Variants in DERA observed in about 807,000 individuals in gnomAD.
DERA encodes deoxyribose-phosphate aldolase.
Under a neutral mutation model 41.1 loss-of-function variants are expected in DERA, and 15 were observed. The observed-to-expected ratio is 0.37, with a 90% CI of 0.24 to 0.56. The LOEUF (loss-of-function observed/expected upper bound fraction) is 0.56. Ranked by LOEUF, DERA falls within the 20% of genes least tolerant of loss-of-function variation. DERA has a pLI of 0.81. For missense variants in DERA, 396 were observed against 403.4 expected, an observed-to-expected ratio of 0.98 and a Z score of 0.16; for synonymous variants, 139 against 137.4, an observed-to-expected ratio of 1.01 and a Z score of -0.08.
chr12:15,986,595 A>C (rs973745977), intron 6 of DERA, among the ~76,000 whole-genome samples: 2 of 152,174 alleles, frequency 1.3e-5, no homozygotes, highest in Admixed American at 1.3e-4. Flanking sequence ...AGAACCTTAC[A>C]ACAGTTTAAT....
rs1225322594 is a variant in DERA, at chr12:15,976,357, C to G, written c.509-5951C>G. ...CCCAACCCCTAGAATTTTCAGTCCT[C>G]GCTGGTAAGGGTGACCTTCACTTTC... On this transcript the variant is annotated intron_variant, in intron 5 of 8. Coordinates refer to ENST00000428559, the MANE Select transcript of DERA (RefSeq NM_015954.4). The surrounding 1 kb of genome is among the most constrained non-coding windows in gnomAD (Gnocchi z 4.1). 6.6e-6 allele frequency among the ~76,000 whole-genome samples: 1 copy of G among 152,148 alleles called. No individual in the cohort carries two copies. The highest frequency in any genetic ancestry group is 2.4e-5 in the African/African-American group (1 of 41,440).
chr12:15,997,571 C>T (rs922728864), intron 6 of DERA, among the ~76,000 whole-genome samples: 21 of 152,010 alleles, frequency 1.4e-4, no homozygotes, highest in Non-Finnish European at 7.4e-5. Flanking sequence ...ATGACTTTAA[C>T]GGAATCGTAT....
In DERA at chr12:15,967,593, T is replaced by C. The variant is rs952784261; in HGVS notation, c.508+4646T>C. ...TGCTTTCAGGGGCCAGTGGAATCTC[T>C]GAGATGATTGGCCTCATAGCTCACA... On this transcript the variant is annotated intron_variant, in intron 5 of 8. Transcript: ENST00000428559. The surrounding 1 kb of genome is among the most constrained non-coding windows in gnomAD (Gnocchi z 4.9). Among the ~76,000 whole-genome samples the C allele has an allele frequency of 6.6e-6, 1 of 152,210 alleles. No individual in the cohort carries two copies. The highest frequency in any genetic ancestry group is 2.1e-4 in the South Asian group (1 of 4,830).
At position 15,913,487 on chromosome 12, in the gene DERA, A is replaced by G. The variant is rs1324413670; in HGVS notation, c.31+2073A>G. Among the ~76,000 whole-genome samples the G allele has an allele frequency of 6.6e-6, 1 of 152,204 alleles. No individual in the cohort carries two copies. Among genetic ancestry groups the G allele is most frequent in the African/African-American group, 2.4e-5 (1 of 41,454 alleles). On this transcript the variant is annotated intron_variant, in intron 1 of 8. Transcript: ENST00000428559. The surrounding 1 kb of genome is among the most constrained non-coding windows in gnomAD (Gnocchi z 4.5). ...TTCTAATTGAAAGTCTTTTTAATAAACATCGTAACTAATTTCTAAAATAAA... is the reference window on the plus strand; with the variant it reads ...TTCTAATTGAAAGTCTTTTTAATAAGCATCGTAACTAATTTCTAAAATAAA...
rs73059226 is a variant in DERA, at chr12:16,021,428, A to G, written c.638-11114A>G. 7.2e-3 allele frequency among the ~76,000 whole-genome samples: 1,101 copies of G among 152,332 alleles called. 7 individuals are homozygous for G. Among genetic ancestry groups the G allele is most frequent in the Non-Finnish European group, 0.011 (756 of 68,018 alleles). The stretch of plus-strand genomic sequence containing the variant: ...AGGGGGTCTGGCAGCTTCCATGTAG[A>G]TTTCAGAGGATGTGTCAGAAAGACT... On this transcript the variant is annotated intron_variant, in intron 6 of 8. Transcript: ENST00000428559. The surrounding 1 kb of genome is among the most constrained non-coding windows in gnomAD (Gnocchi z 5.3).
chr12:15,980,222 A>G (rs1431244914), intron 5 of DERA, among the ~76,000 whole-genome samples: 1 of 152,244 alleles, frequency 6.6e-6, no homozygotes, highest in African/African-American at 2.4e-5. Flanking sequence ...AACCCTGTAA[A>G]GTAAATATTA....
In DERA at chr12:15,995,417, G is replaced by T. The variant is rs1948830317; in HGVS notation, c.637+12981G>T. 6.6e-6 allele frequency among the ~76,000 whole-genome samples: 1 copy of T among 152,086 alleles called. No individual in the cohort carries two copies. Among genetic ancestry groups the T allele is most frequent in the Non-Finnish European group, 1.5e-5 (1 of 67,992 alleles). On this transcript the variant is annotated intron_variant, in intron 6 of 8. Transcript: ENST00000428559. This position sits in a 1 kb window ranked among gnomAD's most constrained non-coding sequence, Gnocchi z 5.1. ...GAGCTAAAAGATCTCTTCTCAGGCTGCTTCCACTGTTATTTGTGTTTAGCT... is the reference window on the plus strand; with the variant it reads ...GAGCTAAAAGATCTCTTCTCAGGCTTCTTCCACTGTTATTTGTGTTTAGCT...
Position 15,990,392 on chromosome 12 carries a change from A to G in DERA, c.637+7956A>G, listed in dbSNP as rs1341177655. On this transcript the variant is annotated intron_variant, in intron 6 of 8. Transcript: ENST00000428559. The surrounding 1 kb of genome is among the most constrained non-coding windows in gnomAD (Gnocchi z 4.3). ...ATCACAATTAGATGTGGTCTAGTTA[A>G]TGATATGTTTGTGGTACGCTACTTT... 6.6e-6 allele frequency among the ~76,000 whole-genome samples: 1 copy of G among 152,214 alleles called. No homozygotes were observed. The highest frequency in any genetic ancestry group is 1.5e-5 in the Non-Finnish European group (1 of 68,028).
intron 1 of DERA, among the ~76,000 whole-genome samples, chr12:15,925,798 T>G (rs1428841263): frequency 1.3e-5 from 2 of 149,210 alleles, no homozygotes; most frequent in Non-Finnish European, 3.0e-5. Flanking sequence ...TTTCATGCAG[T>G]GAGGCCCTCA....
intron 1 of DERA, among the ~76,000 whole-genome samples, chr12:15,912,597 G>A (rs530492836): frequency 2.0e-5 from 3 of 152,120 alleles, no homozygotes; most frequent in African/African-American, 7.2e-5. Flanking sequence ...TTATAAGGCC[G>A]TTAGGAGATT....
intron 6 of DERA, among the ~76,000 whole-genome samples, chr12:16,024,373 C>A (rs1373197971): frequency 6.6e-6 from 1 of 151,934 alleles, no homozygotes; most frequent in Non-Finnish European, 1.5e-5. Context: ...TGAAGAAAAC[C>A]AAAGACAAAT....
rs1053437313 is a variant in DERA, at chr12:16,003,322, C to T, written c.637+20886C>T. On this transcript the variant is annotated intron_variant, in intron 6 of 8. Coordinates refer to ENST00000428559, the MANE Select transcript of DERA (RefSeq NM_015954.4). This position sits in a 1 kb window ranked among gnomAD's most constrained non-coding sequence, Gnocchi z 4.8. ...GTACTCCATTGCGACCTCATATTGA[C>T]TAATTATATCTGCAAGCACCCAGGT... 1.3e-5 allele frequency among the ~76,000 whole-genome samples: 2 copies of T among 152,162 alleles called. No homozygotes were observed. Among genetic ancestry groups the T allele is most frequent in the African/African-American group, 2.4e-5 (1 of 41,430 alleles).
chr12:15,944,648 G>C (rs1324387386), intron 1 of DERA, among the ~76,000 whole-genome samples: 1 of 152,214 alleles, frequency 6.6e-6, no homozygotes, highest in African/African-American at 2.4e-5. Flanking sequence ...CAAATGGATA[G>C]ATGGCAAAAA....
At position 15,957,576 on chromosome 12, in the gene DERA, T is replaced by C. The variant is rs574798049; in HGVS notation, c.129+543T>C. The stretch of plus-strand genomic sequence containing the variant: ...CGTGCTGTGTAGGATTAAAGGGAAT[T>C]CAGAGTTCATTTCACAAGTGAGACA... On this transcript the variant is annotated intron_variant, in intron 2 of 8. Transcript: ENST00000428559. The surrounding 1 kb of genome is among the most constrained non-coding windows in gnomAD (Gnocchi z 4.8). Among the ~76,000 whole-genome samples the C allele has an allele frequency of 2.0e-5, 3 of 152,230 alleles. No individual in the cohort carries two copies. The highest frequency in any genetic ancestry group is 2.0e-4 in the Admixed American group (3 of 15,290).
intron 5 of DERA, among the ~76,000 whole-genome samples, chr12:15,979,692 T>C (rs1206090080): frequency 2.0e-5 from 3 of 152,226 alleles, no homozygotes; most frequent in African/African-American, 4.8e-5. Context: ...AGTTAAAGAA[T>C]GAGAAGACAT....
rs1948887483 is a variant in DERA, at chr12:16,003,197, T to C, written c.637+20761T>C. Among the ~76,000 whole-genome samples, 1 of 152,206 alleles carries C rather than the reference T, an allele frequency of 6.6e-6. No individual in the cohort carries two copies. The highest frequency in any genetic ancestry group is 1.9e-4 in the East Asian group (1 of 5,190). On this transcript the variant is annotated intron_variant, in intron 6 of 8. Transcript: ENST00000428559. The surrounding 1 kb of genome is among the most constrained non-coding windows in gnomAD (Gnocchi z 4.8). ...CTTGTAGAAGCCTCACCCTGGTCTC[T>C]GCCTTTGTGATGATATGGTGTTCTT...
chr12:15,926,652 C>A (rs1188301855), intron 1 of DERA, among the ~76,000 whole-genome samples: 1 of 148,810 alleles, frequency 6.7e-6, no homozygotes, highest in Non-Finnish European at 1.5e-5. Flanking sequence ...AGGGGAATGG[C>A]GTGAACCCGG....
At position 15,943,892 on chromosome 12, in the gene DERA, C is replaced by T. The variant is rs755181220; in HGVS notation, c.32-13044C>T. Reference sequence around the variant, plus strand: ...ATCCCTCCCCCCTCCCCCCACCCCACGACAGACCCTGGTGTGTGATGTTCC... The same window carrying T: ...ATCCCTCCCCCCTCCCCCCACCCCATGACAGACCCTGGTGTGTGATGTTCC... On this transcript the variant is annotated intron_variant, in intron 1 of 8. Coordinates refer to ENST00000428559, the MANE Select transcript of DERA (RefSeq NM_015954.4). This position sits in a 1 kb window ranked among gnomAD's most constrained non-coding sequence, Gnocchi z 4.5. 1.7e-5 allele frequency among the ~76,000 whole-genome samples: 2 copies of T among 119,322 alleles called. No individual in the cohort carries two copies. The highest frequency in any genetic ancestry group is 3.3e-5 in the Non-Finnish European group (2 of 59,824). The allele number at this position is 119,322 out of a possible 152,430, so 78.3% of individuals were successfully genotyped here. A position where few individuals can be genotyped will look rare whatever the true frequency, so the allele number is the denominator to read the frequency against.
chr12:16,022,090 G>T (rs1329123487), intron 6 of DERA, among the ~76,000 whole-genome samples: 1 of 152,212 alleles, frequency 6.6e-6, no homozygotes, highest in Non-Finnish European at 1.5e-5. Flanking sequence ...CCAATCTCAT[G>T]TTAAAATGTA....
Sources: allele counts gnomAD v4.1 joint callset (sites outside exome capture counted in the v4.1 genomes callset), GRCh38; gene constraint gnomAD v4.1.1; non-coding constraint Gnocchi (gnomAD v3.1); transcripts MANE v1.5; gene names NCBI Gene and HGNC (gene_info 2026-07-23, HGNC 2026-07-21).